GLCCI1: variants seen among roughly 807,000 people sequenced by gnomAD.
The protein encoded by GLCCI1 is glucocorticoid-induced transcript 1 protein.
A neutral mutation model predicts 52.2 loss-of-function variants in GLCCI1; 24 were observed. The ratio of observed to expected loss-of-function variants is 0.46; its 90% confidence interval spans 0.33 to 0.65. GLCCI1 has a LOEUF of 0.65. Among genes scored for constraint, GLCCI1 ranks in the 30% least tolerant of loss-of-function variants. GLCCI1 has a pLI of 0.02. For missense variants in GLCCI1, 704 were observed against 701.5 expected (o/e 1.00, Z -0.04); for synonymous variants, 310 against 276.5 (o/e 1.12, Z -1.20).
Position 7,969,160 on chromosome 7 carries a change from T to TC in GLCCI1, c.-185dup, listed in dbSNP as rs1189351471. ...GACGTTTGTTTTCGCAGCCTTCCCC[T>TC]CCCCCCTCGCCGAGGCGGCGGGGGT... On this transcript the variant is annotated 5_prime_UTR_variant, in exon 1 of 8. Transcript: ENST00000223145. The surrounding 1 kb of genome is among the most constrained non-coding windows in gnomAD (Gnocchi z 4.9). 3 of 426,202 alleles carry TC rather than the reference T, an allele frequency of 7.0e-6. No homozygotes were observed. Among genetic ancestry groups the TC allele is most frequent in the East Asian group, 7.6e-5 (1 of 13,134 alleles). The allele number at this position is 426,202 out of a possible 1,614,324, so 26.4% of individuals were successfully genotyped here. A position where few individuals can be genotyped will look rare whatever the true frequency, so the allele number is the denominator to read the frequency against.
At chr7:8,064,960 C>T (rs1169151095) in intron 5 of GLCCI1, among the ~76,000 whole-genome samples, 6 of 152,136 alleles carry the variant, frequency 3.9e-5, no homozygotes, top group Non-Finnish European at 7.3e-5. Flanking sequence ...GCGTGATCTG[C>T]CCACCTCGGC....
chr7:8,078,605 A>G (rs935335571), intron 6 of GLCCI1: 1 of 152,212 alleles, frequency 6.6e-6, no homozygotes. Flanking sequence ...TTTTTCCTAC[A>G]TGTCAGCAGA....
Position 8,086,792 on chromosome 7 carries a change from G to C in GLCCI1, c.*254G>C. The C allele has an allele frequency of 2.2e-6, 1 of 465,062 alleles. No homozygotes were observed. Among genetic ancestry groups the C allele is most frequent in the Non-Finnish European group, 3.8e-6 (1 of 261,916 alleles). The allele number at this position is 465,062 out of a possible 1,614,324, so 28.8% of individuals were successfully genotyped here. A position where few individuals can be genotyped will look rare whatever the true frequency, so the allele number is the denominator to read the frequency against. On this transcript the variant is annotated 3_prime_UTR_variant, in exon 8 of 8. Coordinates refer to ENST00000223145, the MANE Select transcript of GLCCI1 (RefSeq NM_138426.4). This position sits in a 1 kb window ranked among gnomAD's most constrained non-coding sequence, Gnocchi z 4.4. ...AGACTATGCATTTCATAGTATATTT[G>C]ACAGATTAGTACTGTGTCCTGTGTT...
rs1783135450 is a variant in GLCCI1 at position 8,087,224 on chromosome 7, G to A, written c.*686G>A. ...AGAATAAGAAGTGCATTCAATCCTAGGAGAATGATAATCCTGGACATGGGT... is the reference window on the plus strand; with the variant it reads ...AGAATAAGAAGTGCATTCAATCCTAAGAGAATGATAATCCTGGACATGGGT... On this transcript the variant is annotated 3_prime_UTR_variant, in exon 8 of 8. Coordinates refer to ENST00000223145, the MANE Select transcript of GLCCI1 (RefSeq NM_138426.4). 6.6e-6 allele frequency: 1 copy of A among 152,592 alleles called. No individual in the cohort carries two copies. 9.5% of individuals were successfully genotyped at this position (152,592 alleles called of 1,614,324 possible).
chr7:8,061,260 C>T (rs750949626), intron 5 of GLCCI1, among the ~76,000 whole-genome samples: 8 of 151,860 alleles, frequency 5.3e-5, no homozygotes, highest in African/African-American at 7.3e-5. Context: ...CCACCACACC[C>T]GGCTAATTTT....
intron 2 of GLCCI1, among the ~76,000 whole-genome samples, chr7:8,006,893 T>A (rs2115429317): frequency 6.6e-6 from 1 of 152,298 alleles, no homozygotes; most frequent in Non-Finnish European, 1.5e-5. Flanking sequence ...GACCCACCAG[T>A]TCTCACATTC....
chr7:8,018,779 T>G (rs1320243431), intron 2 of GLCCI1, among the ~76,000 whole-genome samples: 1 of 152,200 alleles, frequency 6.6e-6, no homozygotes, highest in Non-Finnish European at 1.5e-5. Context: ...GTTTCATTTC[T>G]TTTAAATGAT....
At chr7:8,063,346 A>G (rs1782557706) in intron 5 of GLCCI1, among the ~76,000 whole-genome samples, 1 of 151,344 alleles carries the variant, frequency 6.6e-6, no homozygotes, top group African/African-American at 2.4e-5. Flanking sequence ...GGGTTTCATC[A>G]TGTTGGCCAG....
intron 5 of GLCCI1, among the ~76,000 whole-genome samples, chr7:8,064,030 C>T (rs553190778): frequency 6.6e-6 from 1 of 152,250 alleles, no homozygotes; most frequent in East Asian, 1.9e-4. Flanking sequence ...AGTTTGCAAA[C>T]ATTTTCTCCC....
chr7:8,007,872 T>C (rs183479348), intron 2 of GLCCI1, among the ~76,000 whole-genome samples: 12 of 152,280 alleles, frequency 7.9e-5, no homozygotes, highest in African/African-American at 2.4e-4. Flanking sequence ...TGTGAAAAGA[T>C]TGTAGACTTT....
At chr7:8,026,191 T>A (rs1416668053) in intron 3 of GLCCI1, among the ~76,000 whole-genome samples, 1 of 152,166 alleles carries the variant, frequency 6.6e-6, no homozygotes, top group South Asian at 2.1e-4. Flanking sequence ...TATTGTGATA[T>A]AGATTGTGAT....
Position 8,086,622 on chromosome 7 carries a change from A to C in GLCCI1, c.*84A>C, listed in dbSNP as rs1783112148. Reference sequence around the variant, plus strand: ...TCTGCATGAGTGACAAACTTTCTGAACACCACCACCACCAATAATACTTAT... The same window carrying C: ...TCTGCATGAGTGACAAACTTTCTGACCACCACCACCACCAATAATACTTAT... On this transcript the variant is annotated 3_prime_UTR_variant, in exon 8 of 8. Coordinates refer to ENST00000223145, the MANE Select transcript of GLCCI1 (RefSeq NM_138426.4). The surrounding 1 kb of genome is among the most constrained non-coding windows in gnomAD (Gnocchi z 4.4). The C allele has an allele frequency of 9.9e-7, 1 of 1,007,676 alleles. No individual in the cohort carries two copies. The highest frequency in any genetic ancestry group is 1.5e-6 in the Non-Finnish European group (1 of 675,468). The allele number at this position is 1,007,676 out of a possible 1,614,324, so 62.4% of individuals were successfully genotyped here.
chr7:8,047,785 G>A (rs1782165582), intron 3 of GLCCI1, among the ~76,000 whole-genome samples: 1 of 152,190 alleles, frequency 6.6e-6, no homozygotes, highest in South Asian at 2.1e-4. Context: ...CTTATTCAGT[G>A]ACAGAAGTTC....
chr7:8,014,268 A>G (rs948779294), intron 2 of GLCCI1, among the ~76,000 whole-genome samples: 1 of 152,160 alleles, frequency 6.6e-6, no homozygotes, highest in African/African-American at 2.4e-5. Flanking sequence ...AAGTGCTGAG[A>G]TGACAGATGT....
chr7:8,002,721 T>G (rs1025329879), intron 1 of GLCCI1, among the ~76,000 whole-genome samples: 2 of 152,216 alleles, frequency 1.3e-5, no homozygotes, highest in African/African-American at 4.8e-5. Flanking sequence ...TGAAAAGAGT[T>G]AGCCTTGGGA....
chr7:8,075,772 A>G (rs1782863568), intron 6 of GLCCI1, among the ~76,000 whole-genome samples: 1 of 152,338 alleles, frequency 6.6e-6, no homozygotes, highest in Admixed American at 6.5e-5. Context: ...CCAACTACTG[A>G]GTAGAGTTGT....
At chr7:8,021,350 C>G (rs1468603541) in intron 2 of GLCCI1, among the ~76,000 whole-genome samples, 3 of 151,952 alleles carry the variant, frequency 2.0e-5, no homozygotes, top group Admixed American at 2.0e-4. Context: ...TGGTTTTGAC[C>G]CTTTCTGATT....
At chr7:7,979,456 T>G (rs1370261206) in intron 1 of GLCCI1, among the ~76,000 whole-genome samples, 3 of 150,210 alleles carry the variant, frequency 2.0e-5, no homozygotes, top group Non-Finnish European at 4.5e-5. Flanking sequence ...GAGCTTTTTC[T>G]GGTGTTCTGT....
intron 1 of GLCCI1, among the ~76,000 whole-genome samples, chr7:7,998,196 T>C (rs1279689850): frequency 6.7e-6 from 1 of 150,278 alleles, no homozygotes; most frequent in Non-Finnish European, 1.5e-5. Flanking sequence ...TTTTTTGTTG[T>C]TGTTGTTTTT....
Sources: gnomAD v4.1 joint callset for allele counts (sites outside exome capture counted in the v4.1 genomes callset) on GRCh38, gnomAD v4.1.1 for gene constraint, Gnocchi (gnomAD v3.1) non-coding constraint, MANE v1.5 for transcripts, NCBI Gene and HGNC (gene_info 2026-07-23, HGNC 2026-07-21) for gene names.